C12orf42: variants seen among roughly 807,000 people sequenced by gnomAD.
The protein encoded by C12orf42 is chromosome 12 open reading frame 42.
In C12orf42, 25 loss-of-function variants were observed where a neutral mutation model predicts 21.6. The ratio of observed to expected loss-of-function variants is 1.16; its 90% CI spans 0.84 to 1.62. The LOEUF is 1.62. C12orf42 is among the 40% of genes most tolerant of loss of function. The probability of loss-of-function intolerance (pLI) is 0.00; values close to 1 mark genes in which losing one functional copy is unlikely to be tolerated. For synonymous variants in C12orf42, 174 were observed against 175.0 expected (o/e 0.99, Z 0.05); for missense variants, 483 against 459.3 (o/e 1.05, Z -0.47).
At position 103,436,289 on chromosome 12, in the gene C12orf42, G is replaced by A. The variant is rs1189463445; in HGVS notation, c.79-34614C>T. ...AAAGGAACAACCGGTACCAGGCGCT[G>A]CAAAATCATGCCAAAATGTAAAGAC... On this transcript the variant is annotated intron_variant, in intron 2 of 5. Coordinates refer to ENST00000548883, the MANE Select transcript of C12orf42 (RefSeq NM_198521.5). 2.6e-5 allele frequency among the ~76,000 whole-genome samples: 4 copies of A among 151,994 alleles called. No homozygotes were observed. The East Asian group carries it at 7.7e-4, about 29-fold the overall frequency.
the C12orf42 span, among the ~76,000 whole-genome samples, chr12:103,120,519 A>G: frequency 6.6e-6 from 1 of 152,134 alleles, no homozygotes; most frequent in Non-Finnish European, 1.5e-5. Context: ...GGTGAGAAAG[A>G]GGAGGGAGAT....
the C12orf42 span, among the ~76,000 whole-genome samples, chr12:103,211,021 A>G: frequency 1.3e-5 from 2 of 152,026 alleles, no homozygotes; most frequent in Non-Finnish European, 1.5e-5. Context: ...CCCTTTTTCC[A>G]TCTGGATTGA....
intron 2 of C12orf42, among the ~76,000 whole-genome samples, chr12:103,404,299 G>C (rs1340026636): frequency 1.2e-4 from 19 of 152,118 alleles, no homozygotes; most frequent in Non-Finnish European, 4.4e-5. Flanking sequence ...TAGGAGTACA[G>C]GTAGAATTGC....
At chr12:103,339,112 A>C (rs2041959504) in intron 4 of C12orf42, among the ~76,000 whole-genome samples, 1 of 152,258 alleles carries the variant, frequency 6.6e-6, no homozygotes, top group Admixed American at 6.5e-5. Context: ...TTCACAATAA[A>C]AACAATTCAA....
At chr12:103,155,447 G>GA in the C12orf42 span, among the ~76,000 whole-genome samples, 1 of 152,056 alleles carries the variant, frequency 6.6e-6, no homozygotes, top group Admixed American at 6.6e-5. Context: ...AAAGAAAGCA[G>GA]AAAAAACAAT....
the C12orf42 span, chr12:103,161,381 A>AG: frequency 6.6e-6 from 1 of 151,762 alleles, no homozygotes; most frequent in African/African-American, 2.4e-5. Context: ...AAATGCTAAA[A>AG]AAAAAACCCA....
At chr12:103,245,424 G>A (rs2033962792) in intron 10 of C12orf42, among the ~76,000 whole-genome samples, 1 of 152,020 alleles carries the variant, frequency 6.6e-6, no homozygotes, top group Non-Finnish European at 1.5e-5. Context: ...TTGAACACTA[G>A]AGGAGTAATC....
the C12orf42 span, among the ~76,000 whole-genome samples, chr12:103,562,833 A>G: frequency 6.6e-6 from 1 of 152,152 alleles, no homozygotes; most frequent in Non-Finnish European, 1.5e-5. Flanking sequence ...CTCTATGGAC[A>G]TCATCAGTCC....
chr12:103,501,476 G>A, the C12orf42 span, among the ~76,000 whole-genome samples: 1 of 152,220 alleles, frequency 6.6e-6, no homozygotes, highest in Admixed American at 6.5e-5. Context: ...CATGATGTTA[G>A]TGAGCGCAGA....
At chr12:103,239,337 G>A (rs2033618387) in intron 10 of C12orf42, among the ~76,000 whole-genome samples, 2 of 152,042 alleles carry the variant, frequency 1.3e-5, no homozygotes, top group South Asian at 4.2e-4. Context: ...GTAGCCCTTG[G>A]CATCAACTAT....
intron 6 of C12orf42, among the ~76,000 whole-genome samples, chr12:103,269,566 C>T (rs1356231630): frequency 6.6e-6 from 1 of 152,152 alleles, no homozygotes; most frequent in African/African-American, 2.4e-5. Context: ...GTTTAATATT[C>T]ATCAGTGACT....
the C12orf42 span, among the ~76,000 whole-genome samples, chr12:103,524,011 T>C: frequency 2.6e-5 from 4 of 152,228 alleles, no homozygotes; most frequent in East Asian, 5.8e-4. Flanking sequence ...AGCATAGTCA[T>C]TATCCAACCC....
chr12:103,359,722 C>T (rs1309061888), intron 4 of C12orf42, among the ~76,000 whole-genome samples: 1 of 151,856 alleles, frequency 6.6e-6, no homozygotes, highest in Non-Finnish European at 1.5e-5. Flanking sequence ...CTGTAATAAT[C>T]TTGCTTATTT....
At chr12:103,205,099 AAAC>A in the C12orf42 span, among the ~76,000 whole-genome samples, 2 of 152,328 alleles carry the variant, frequency 1.3e-5, no homozygotes, top group African/African-American at 4.8e-5. Context: ...AAAAACAAGC[AAAC>A]AACAAAAAAG....
At chr12:103,316,069 C>G (rs746815714) in intron 4 of C12orf42, among the ~76,000 whole-genome samples, 23 of 150,294 alleles carry the variant, frequency 1.5e-4, no homozygotes, top group Admixed American at 4.6e-4. Flanking sequence ...CACACACACA[C>G]AGTACTATAT....
intron 3 of C12orf42, among the ~76,000 whole-genome samples, chr12:103,399,545 T>C (rs1174056442): frequency 1.4e-5 from 2 of 147,990 alleles, no homozygotes; most frequent in East Asian, 3.9e-4. Flanking sequence ...ATGACCACCC[T>C]ACCCTAACAA....
chr12:103,379,475 A>G (rs2045984626), intron 3 of C12orf42, among the ~76,000 whole-genome samples: 1 of 152,212 alleles, frequency 6.6e-6, no homozygotes, highest in Non-Finnish European at 1.5e-5. Flanking sequence ...ACTTGGGAGG[A>G]AATGTAAAAT....
chr12:103,315,530 G>GA (rs1379143298), intron 4 of C12orf42, among the ~76,000 whole-genome samples: 1 of 151,808 alleles, frequency 6.6e-6, no homozygotes, highest in East Asian at 1.9e-4. Flanking sequence ...AATGGAAAGA[G>GA]AAAAAAAACC....
At chr12:103,179,114 A>G in the C12orf42 span, among the ~76,000 whole-genome samples, 1 of 152,142 alleles carries the variant, frequency 6.6e-6, no homozygotes, top group Non-Finnish European at 1.5e-5. Context: ...GCCTATTTTA[A>G]TACTAATTCA....
Sources: allele counts gnomAD v4.1 joint callset (sites outside exome capture counted in the v4.1 genomes callset), GRCh38; gene constraint gnomAD v4.1.1; transcripts MANE v1.5; gene names NCBI Gene and HGNC (gene_info 2026-07-23, HGNC 2026-07-21).